The following CIAPIN1 variants were observed in gnomAD, a reference collection of about 807,000 sequenced individuals.
CIAPIN1 encodes cytokine induced apoptosis inhibitor 1, also known as anamorsin.
In CIAPIN1, 18 loss-of-function variants were observed where a neutral mutation model predicts 34.3. The observed-to-expected ratio is 0.52, with a 90% confidence interval of 0.36 to 0.78. CIAPIN1 has a LOEUF of 0.78. Among genes scored for constraint, CIAPIN1 ranks in the 30% least tolerant of loss-of-function variants. The pLI is 0.00. For synonymous variants in CIAPIN1, 131 were observed against 140.4 expected (o/e 0.93, Z 0.47); for missense variants, 310 against 372.5 (o/e 0.83, Z 1.38).
At chr16:57,441,005 T>C in intron 1 of CIAPIN1, 22 bp from the exon 2 acceptor site, 1 of 1,465,196 alleles carries the variant, frequency 6.8e-7, no homozygotes, top group Non-Finnish European at 9.3e-7. Flanking sequence ...CAAAGTGCAA[T>C]TTAATCTGTG....
intron 5 of CIAPIN1, 21 bp downstream of exon 5, chr16:57,434,023 A>C (rs757847997): frequency 6.2e-7 from 1 of 1,611,520 alleles, no homozygotes; most frequent in East Asian, 2.2e-5. Flanking sequence ...AAACAGAAGA[A>C]TGTCCCTAGG....
At chr16:57,431,727 A>G (rs1383382566) in intron 6 of CIAPIN1, among the ~76,000 whole-genome samples, 12 of 152,220 alleles carry the variant, frequency 7.9e-5, no homozygotes, top group Non-Finnish European at 1.3e-4. Context: ...ATGTGTAGAC[A>G]CTTAGTCTGT....
rs170358 is a variant in CIAPIN1, at chr16:57,430,324, G to C, written c.762C>G (p.Ala254=). The stretch of plus-strand genomic sequence containing the variant: ...TTGACTTCTCTTTTTCCAGTTCTTC[G>C]GCAAGGCCACAGGTGCTGCGGGAAA... The part of the protein sequence containing the change: ...KACKNCTCGL[A]EELEKEKSRE... Residue 254 remains alanine, a synonymous_variant, in exon 8 of 9, where the codon GCC becomes GCG. Transcript: ENST00000394391. 6.2e-6 allele frequency: 10 copies of C among 1,613,978 alleles called. No individual in the cohort carries two copies. In the South Asian group the frequency reaches 8.8e-5, roughly 14 times the overall value.
chr16:57,443,019 G>A (rs2029905462), intron 1 of CIAPIN1, among the ~76,000 whole-genome samples: 1 of 147,204 alleles, frequency 6.8e-6, no homozygotes, highest in South Asian at 2.1e-4. Context: ...AGTGTTATCA[G>A]ACAAGTAGGA....
At chr16:57,435,651 A>G (rs1903182852) in intron 4 of CIAPIN1, among the ~76,000 whole-genome samples, 1 of 152,108 alleles carries the variant, frequency 6.6e-6, no homozygotes, top group Admixed American at 6.6e-5. Flanking sequence ...AAAATTAGCC[A>G]GGTGTGGTGG....
intron 7 of CIAPIN1, 51 bp from the exon 8 acceptor site, chr16:57,430,390 C>A (rs769317799): frequency 1.2e-5 from 19 of 1,573,142 alleles, no homozygotes; most frequent in Non-Finnish European, 1.7e-5. Flanking sequence ...ACCCAGAAAT[C>A]CCAAATCCTA....
At chr16:57,431,453 A>G in intron 6 of CIAPIN1, 187 bp from the exon 7 acceptor site, 1 of 482,328 alleles carries the variant, frequency 2.1e-6, no homozygotes, top group Non-Finnish European at 3.8e-6. Flanking sequence ...GAGTTAAACT[A>G]CATCCACAGA....
intron 1 of CIAPIN1, among the ~76,000 whole-genome samples, chr16:57,445,014 G>A (rs1330148530): frequency 2.0e-5 from 3 of 152,244 alleles, no homozygotes; most frequent in Admixed American, 6.5e-5. Flanking sequence ...CAGTAAAAGC[G>A]GATGTCTGAG....
At position 57,432,366 on chromosome 16, in the gene CIAPIN1, T is replaced by G. The variant is rs570903461; in HGVS notation, c.630+121A>C. ...TTCTAAATCAAAGATGTGACAGGCATAGTCACAAATCTGGGCTTTAAATAC... is the reference window on the plus strand; with the variant it reads ...TTCTAAATCAAAGATGTGACAGGCAGAGTCACAAATCTGGGCTTTAAATAC... On this transcript the variant is annotated intron_variant, in intron 6 of 8. Transcript: ENST00000394391. The G allele has an allele frequency of 5.6e-6, 4 of 713,168 alleles. No homozygotes were observed. In the African/African-American group the frequency reaches 7.3e-5, roughly 13 times the overall value. The allele number at this position is 713,168 out of a possible 1,614,324, so 44.2% of individuals were successfully genotyped here. A position where few individuals can be genotyped will look rare whatever the true frequency, so the allele number is the denominator to read the frequency against.
At chr16:57,429,652 C>T (rs893353794) in intron 8 of CIAPIN1, among the ~76,000 whole-genome samples, 7 of 151,936 alleles carry the variant, frequency 4.6e-5, no homozygotes, top group Non-Finnish European at 1.0e-4. Context: ...CTACCATGCC[C>T]GGCAAATTTT....
At chr16:57,439,146 C>T (rs1365008152) in intron 3 of CIAPIN1, 36 bp downstream of exon 3, 1 of 1,610,430 alleles carries the variant, frequency 6.2e-7, no homozygotes, top group Non-Finnish European at 8.5e-7. Context: ...AGACTCAACC[C>T]TGTCAAACAT....
At position 57,440,871 on chromosome 16, in the gene CIAPIN1, A is replaced by G. The variant is rs762938715; in HGVS notation, c.58T>C (p.Ser20Pro). The G allele has an allele frequency of 2.5e-6, 4 of 1,614,066 alleles. No individual in the cohort carries two copies. The highest frequency in any genetic ancestry group is 3.4e-6 in the Non-Finnish European group (4 of 1,179,980). ...AGACCTTTCAGAGCCTCCACTGGGG[A>G]TGACTTATCCCAGACCACTGCCACA... ...QFVAVVWDKSSPVEALKGLVD... is the reference protein window; with the variant it reads ...QFVAVVWDKSPPVEALKGLVD... The change falls in exon 2 of 9, where the codon TCC (serine) becomes CCC (proline). Residue 20 changes from serine (S) to proline (P), a missense_variant. Physicochemically the swap from Ser to Pro is moderately conservative, Grantham distance 74. Transcript: ENST00000394391.
chr16:57,429,658 AT>A (rs1163130860), intron 8 of CIAPIN1, among the ~76,000 whole-genome samples: 6 of 151,618 alleles, frequency 4.0e-5, no homozygotes, highest in South Asian at 2.1e-4. Flanking sequence ...TGCCCGGCAA[AT>A]TTTTTTGTAT....
chr16:57,445,927 C>T (rs1351811155), intron 1 of CIAPIN1, among the ~76,000 whole-genome samples: 1 of 148,838 alleles, frequency 6.7e-6, no homozygotes, highest in Admixed American at 6.8e-5. Context: ...CTCACTGCAA[C>T]CTCCGACTCC....
rs1219376668 is a variant in CIAPIN1 at position 57,441,020 on chromosome 16, A to T, written c.-55-37T>A. ...CAAAGTGCAATTTAATCTGTGAGAT[A>T]TCATAAAATATGATTAGAATCCCAA... On this transcript the variant is annotated intron_variant, in intron 1 of 8. Coordinates refer to ENST00000394391, the MANE Select transcript of CIAPIN1 (RefSeq NM_020313.4). 3.0e-6 allele frequency: 4 copies of T among 1,342,514 alleles called. No homozygotes were observed. The African/African-American group carries it at 5.9e-5, about 20-fold the overall frequency. The allele number at this position is 1,342,514 out of a possible 1,614,324, so 83.2% of individuals were successfully genotyped here. A position where few individuals can be genotyped will look rare whatever the true frequency, so the allele number is the denominator to read the frequency against.
intron 7 of CIAPIN1, 119 bp from the exon 8 acceptor site, chr16:57,430,458 G>A: frequency 1.2e-6 from 1 of 851,222 alleles, no homozygotes; most frequent in South Asian, 1.5e-5. Flanking sequence ...TAACTCAGAA[G>A]CCTATAGGCC....
At chr16:57,432,175 G>A (rs1230555264) in intron 6 of CIAPIN1, among the ~76,000 whole-genome samples, 1 of 152,184 alleles carries the variant, frequency 6.6e-6, no homozygotes, top group African/African-American at 2.4e-5. Flanking sequence ...TTGGCCAGGT[G>A]TGGTGGCACA....
chr16:57,443,104 AT>A (rs1334188487), intron 1 of CIAPIN1, among the ~76,000 whole-genome samples: 1 of 151,160 alleles, frequency 6.6e-6, no homozygotes, highest in Non-Finnish European at 1.5e-5. Flanking sequence ...AGAAAAAAAA[AT>A]AATTAAAAAG....
intron 3 of CIAPIN1, 63 bp downstream of exon 3, chr16:57,439,119 G>T: frequency 1.3e-6 from 2 of 1,547,854 alleles, no homozygotes; most frequent in South Asian, 1.1e-5. Context: ...TCACGGAGAT[G>T]CAGCACACAT....
Sources: allele counts gnomAD v4.1 joint callset (sites outside exome capture counted in the v4.1 genomes callset), GRCh38; gene constraint gnomAD v4.1.1; transcripts MANE v1.5; gene names NCBI Gene and HGNC (gene_info 2026-07-23, HGNC 2026-07-21).